Variants in TRIT1 observed in about 807,000 individuals in gnomAD.
TRIT1 encodes the protein tRNA dimethylallyltransferase.
Under a neutral mutation model 51.2 loss-of-function variants are expected in TRIT1, and 43 were observed. The observed-to-expected ratio is 0.84, with a 90% CI of 0.66 to 1.08. The LOEUF (loss-of-function observed/expected upper bound fraction) is 1.08, where lower values mean the gene tolerates loss of function less well. Ranked by LOEUF, TRIT1 falls within the 50% of genes least tolerant of loss-of-function variation. The pLI is 0.00. For synonymous variants in TRIT1, 184 were observed against 203.9 expected, an observed-to-expected ratio of 0.90 and a Z score of 0.83; for missense variants, 528 against 578.4, an observed-to-expected ratio of 0.91 and a Z score of 0.89.
At chr1:39,853,757 C>A (rs1642728602) in intron 3 of TRIT1, among the ~76,000 whole-genome samples, 1 of 152,190 alleles carries the variant, frequency 6.6e-6, no homozygotes, top group African/African-American at 2.4e-5. Flanking sequence ...ATCCACACAG[C>A]AACATTTTTC....
chr1:39,865,428 C>T (rs144299423), intron 1 of TRIT1, among the ~76,000 whole-genome samples: 2 of 152,296 alleles, frequency 1.3e-5, no homozygotes, highest in African/African-American at 4.8e-5. Context: ...CTGATAACTC[C>T]CAAAATCCAT....
At position 39,844,622 on chromosome 1, in the gene TRIT1, G is replaced by A; in HGVS notation, c.1025C>T (p.Pro342Leu). The change falls in exon 9 of 11, where the codon CCC becomes CTC. Residue 342 changes from proline to leucine, a missense_variant. Pro to Leu is a moderately conservative substitution (Grantham distance 98). Transcript: ENST00000316891. Reference protein sequence around the residue: ...RFLSRPGPIVPPVYGLEVSDV... With the variant: ...RFLSRPGPIVLPVYGLEVSDV... ...AGATACCTCTAAGCCATAGACAGGG[G>A]GGACAATGGGACCAGGTCCTAATGA... The A allele has an allele frequency of 6.2e-7, 1 of 1,613,290 alleles. No homozygotes were observed. The highest frequency in any genetic ancestry group is 1.1e-5 in the South Asian group (1 of 91,064).
intron 8 of TRIT1, among the ~76,000 whole-genome samples, chr1:39,845,311 A>G (rs1244417033): frequency 2.6e-5 from 4 of 152,236 alleles, no homozygotes; most frequent in Non-Finnish European, 5.9e-5. Flanking sequence ...GTGCAGCTAC[A>G]GGTATTTCAC....
intron 5 of TRIT1, among the ~76,000 whole-genome samples, chr1:39,849,451 C>G (rs1182111795): frequency 6.6e-6 from 1 of 152,158 alleles, no homozygotes; most frequent in East Asian, 1.9e-4. Context: ...CTGACTCCCC[C>G]CAAGATAATA....
intron 2 of TRIT1, among the ~76,000 whole-genome samples, chr1:39,857,027 T>C (rs1297202146): frequency 1.3e-5 from 2 of 152,228 alleles, no homozygotes; most frequent in African/African-American, 2.4e-5. Flanking sequence ...TCAGTAGGTC[T>C]GGAGTGGGGC....
chr1:39,870,320 T>TA (rs1252668219), intron 1 of TRIT1, among the ~76,000 whole-genome samples: 2 of 151,982 alleles, frequency 1.3e-5, no homozygotes, highest in African/African-American at 4.8e-5. Context: ...AGCATGCTCG[T>TA]AAAGAGTCAT....
chr1:39,864,953 A>G (rs535598145), intron 1 of TRIT1, among the ~76,000 whole-genome samples: 1 of 152,208 alleles, frequency 6.6e-6, no homozygotes, highest in Admixed American at 6.5e-5. Context: ...CCCATTTCAA[A>G]TTAGATCCTA....
At chr1:39,858,198 G>A (rs911530720) in intron 1 of TRIT1, among the ~76,000 whole-genome samples, 1 of 152,218 alleles carries the variant, frequency 6.6e-6, no homozygotes, top group African/African-American at 2.4e-5. Flanking sequence ...TCTACAGGGA[G>A]CACTGAATGA....
chr1:39,876,541 T>TATCTA (rs1644059605), intron 1 of TRIT1, among the ~76,000 whole-genome samples: 4 of 147,140 alleles, frequency 2.7e-5, no homozygotes, highest in Non-Finnish European at 6.2e-5. Flanking sequence ...TCTATCTATC[T>TATCTA]ATCTATCTAT....
chr1:39,855,232 G>C (rs905549563), intron 2 of TRIT1, among the ~76,000 whole-genome samples: 5 of 152,152 alleles, frequency 3.3e-5, no homozygotes, highest in Admixed American at 2.0e-4. Context: ...CAATCTGCAG[G>C]CATAGAGACA....
At chr1:39,845,004 T>C (rs1642145263) in intron 8 of TRIT1, among the ~76,000 whole-genome samples, 1 of 152,216 alleles carries the variant, frequency 6.6e-6, no homozygotes, top group Non-Finnish European at 1.5e-5. Flanking sequence ...AAGTTCCATA[T>C]CATCTTACAA....
intron 1 of TRIT1, among the ~76,000 whole-genome samples, chr1:39,882,718 C>A (rs1009716834): frequency 6.6e-6 from 1 of 152,240 alleles, no homozygotes; most frequent in Non-Finnish European, 1.5e-5. Flanking sequence ...AGCACTATAA[C>A]CTTGTGCGGT....
intron 1 of TRIT1, among the ~76,000 whole-genome samples, chr1:39,876,560 A>ATCTATCTATCTATC (rs1557585424): frequency 2.2e-3 from 263 of 118,070 alleles, no homozygotes; most frequent in African/African-American, 4.4e-3. Flanking sequence ...ATCTATCTAT[A>ATCTATCTATCTATC]TATATATATG....
chr1:39,850,391 G>A lies in TRIT1; in HGVS notation c.561-130C>T, dbSNP rs573330898. On this transcript the variant is annotated intron_variant, in intron 4 of 10. Transcript: ENST00000316891. ...TCTTTCTTGAAAGCCAGTCACGACA[G>A]TGTGCACATCTGTAGTCCCAGCTAC... The A allele has an allele frequency of 6.6e-6, 8 of 1,220,132 alleles. No homozygotes were observed. The South Asian group carries it at 1.1e-4, about 16-fold the overall frequency. 75.6% of individuals were successfully genotyped at this position (1,220,132 alleles called of 1,614,324 possible). A position where few individuals can be genotyped will look rare whatever the true frequency, so the allele number is the denominator to read the frequency against.
At chr1:39,857,475 T>C in intron 1 of TRIT1, 58 bp from the exon 2 acceptor site, 1 of 1,572,700 alleles carries the variant, frequency 6.4e-7, no homozygotes, top group Non-Finnish European at 8.7e-7. Context: ...GATGCATACT[T>C]AATGAATAGA....
intron 5 of TRIT1, 90 bp downstream of exon 5, chr1:39,850,029 G>A (rs1642468933): frequency 7.2e-7 from 1 of 1,390,318 alleles, no homozygotes; most frequent in Non-Finnish European, 9.9e-7. Flanking sequence ...TTTATTATGA[G>A]CCACCCATGG....
intron 1 of TRIT1, 33 bp downstream of exon 1, chr1:39,883,285 C>G (rs1350499264): frequency 6.3e-7 from 1 of 1,580,940 alleles, no homozygotes; most frequent in Non-Finnish European, 8.6e-7. Context: ...CCTCCGGGGT[C>G]CCCAGGCGCC....
intron 10 of TRIT1, among the ~76,000 whole-genome samples, 181 bp downstream of exon 10, chr1:39,843,920 A>G (rs1270851219): frequency 6.6e-6 from 1 of 152,268 alleles, no homozygotes; most frequent in Non-Finnish European, 1.5e-5. Flanking sequence ...TCTGAATCTC[A>G]GAATACAGAG....
At chr1:39,850,861 A>G (rs1642520482) in intron 4 of TRIT1, among the ~76,000 whole-genome samples, 1 of 152,212 alleles carries the variant, frequency 6.6e-6, no homozygotes, top group Admixed American at 6.5e-5. Context: ...TTCTTTTTAA[A>G]TATGTCAAAT....
Sources: allele counts gnomAD v4.1 joint callset (sites outside exome capture counted in the v4.1 genomes callset), GRCh38; gene constraint gnomAD v4.1.1; transcripts MANE v1.5; gene names NCBI Gene and HGNC (gene_info 2026-07-23, HGNC 2026-07-21).